The following DNAH5 variants were observed in gnomAD, a reference collection of about 807,000 sequenced individuals.
DNAH5 encodes axonemal beta dynein heavy chain 5.
A neutral mutation model predicts 518.2 loss-of-function variants in DNAH5; 372 were observed. The observed-to-expected ratio is 0.72, with a 90% CI of 0.66 to 0.78. DNAH5 has a LOEUF of 0.78. Among genes scored for constraint, DNAH5 ranks in the 30% least tolerant of loss-of-function variants. The probability of loss-of-function intolerance (pLI) is 0.00; values close to 1 mark genes in which losing one functional copy is unlikely to be tolerated. For synonymous variants in DNAH5, 2,039 were observed against 2,025.9 expected, an observed-to-expected ratio of 1.01 and a Z score of -0.17; for missense variants, 5,523 against 5,687.0, an observed-to-expected ratio of 0.97 and a Z score of 0.93.
chr5:13,950,024 A>C (rs1379629461), intron 1 of DNAH5, among the ~76,000 whole-genome samples: 2 of 152,178 alleles, frequency 1.3e-5, no homozygotes, highest in Non-Finnish European at 2.9e-5. Flanking sequence ...AACCTAAGTG[A>C]AGGATCTCAG....
chr5:13,947,346 A>G (rs1169107436), upstream of DNAH5, among the ~76,000 whole-genome samples: 2 of 152,170 alleles, frequency 1.3e-5, no homozygotes, highest in Admixed American at 6.5e-5. Flanking sequence ...GGCTTAATAG[A>G]AAAGTGCAAC....
chr5:13,937,009 T>C (rs1778985572), intron 1 of DNAH5, among the ~76,000 whole-genome samples: 2 of 152,184 alleles, frequency 1.3e-5, no homozygotes, highest in African/African-American at 4.8e-5. Context: ...GCTCACTATG[T>C]TTTGGTTTAA....
At chr5:13,730,817 C>A (rs535760808) in intron 68 of DNAH5, among the ~76,000 whole-genome samples, 65 of 152,040 alleles carry the variant, frequency 4.3e-4, no homozygotes, top group African/African-American at 1.5e-3. Flanking sequence ...TCTCCTGCCT[C>A]AGCCTCGTGA....
rs375119587 is a variant in DNAH5, at chr5:13,739,456, C to G, written c.11212-1961G>C. 1.5e-4 allele frequency among the ~76,000 whole-genome samples: 23 copies of G among 152,206 alleles called. No individual in the cohort carries two copies. The East Asian group carries it at 2.5e-3, about 17-fold the overall frequency. Reference sequence around the variant, plus strand: ...CGCCATGATTGTAAGTTTCCTGAGGCCTCCCCAGCCATGCAGAACTGTGAG... The same window carrying G: ...CGCCATGATTGTAAGTTTCCTGAGGGCTCCCCAGCCATGCAGAACTGTGAG... On this transcript the variant is annotated intron_variant, in intron 65 of 78. Coordinates refer to ENST00000265104, the MANE Select transcript of DNAH5 (RefSeq NM_001369.3).
intron 65 of DNAH5, among the ~76,000 whole-genome samples, chr5:13,739,638 T>C (rs1748127996): frequency 6.6e-6 from 1 of 152,114 alleles, no homozygotes; most frequent in Non-Finnish European, 1.5e-5. Flanking sequence ...TGAAACCATA[T>C]AAAACATAAT....
intron 1 of DNAH5, among the ~76,000 whole-genome samples, chr5:14,009,706 T>C (rs1039204524): frequency 1.3e-5 from 2 of 152,170 alleles, no homozygotes; most frequent in African/African-American, 4.8e-5. Context: ...TTGATCTGCA[T>C]ATGCTCATTT....
chr5:13,839,260 A>G (rs973320324), intron 35 of DNAH5, 96 bp downstream of exon 35: 2 of 1,100,110 alleles, frequency 1.8e-6, no homozygotes, highest in South Asian at 2.6e-5. Context: ...GTTTTAGTAT[A>G]AAGAGCCTAT....
At chr5:13,769,209 CTTGATTTG>C in intron 57 of DNAH5, 73 bp from the exon 58 acceptor site, 1 of 1,510,238 alleles carries the variant, frequency 6.6e-7, no homozygotes. Flanking sequence ...ACATTTTTGC[CTTGATTTG>C]TTGATTTTGT....
chr5:13,717,879 C>A (rs1174669224), intron 72 of DNAH5, among the ~76,000 whole-genome samples: 1 of 152,058 alleles, frequency 6.6e-6, no homozygotes, highest in Admixed American at 6.5e-5. Flanking sequence ...TTGTTTTGAG[C>A]ATATACTTGG....
chr5:13,793,880 T>C (rs1757419802), intron 48 of DNAH5, 56 bp downstream of exon 48: 1 of 1,595,028 alleles, frequency 6.3e-7, no homozygotes, highest in Non-Finnish European at 8.5e-7. Context: ...AAAACTCTTC[T>C]AAGAATAAAT....
intron 60 of DNAH5, among the ~76,000 whole-genome samples, chr5:13,759,392 G>A (rs554911794): frequency 5.3e-5 from 8 of 152,330 alleles, no homozygotes; most frequent in African/African-American, 1.7e-4. Context: ...TCAGAACACT[G>A]TAATATTAAA....
intron 41 of DNAH5, among the ~76,000 whole-genome samples, chr5:13,819,518 A>G (rs916595562): frequency 6.6e-6 from 1 of 152,122 alleles, no homozygotes; most frequent in Non-Finnish European, 1.5e-5. Flanking sequence ...ACTGCCTGAA[A>G]GCCCACCCAG....
chr5:13,799,325 A>G (rs190434099), intron 47 of DNAH5, among the ~76,000 whole-genome samples: 24 of 152,170 alleles, frequency 1.6e-4, no homozygotes, highest in Admixed American at 1.1e-3. Flanking sequence ...ATGTCTATTA[A>G]TGAGAACACT....
Position 13,871,656 on chromosome 5 carries a change from A to G in DNAH5, c.3506T>C (p.Phe1169Ser). 10 of 1,613,830 alleles carry G rather than the reference A, an allele frequency of 6.2e-6. No homozygotes were observed. The highest frequency in any genetic ancestry group is 7.6e-6 in the Non-Finnish European group (9 of 1,179,788). The change falls in exon 23 of 79, where the codon TTT becomes TCT. Residue 1169 changes from phenylalanine to serine, a missense_variant. By Grantham distance (155) the Phe-to-Ser change is radical (BLOSUM62 -2). Around this residue, in one of 3 missense-constraint regions of DNAH5, gnomAD observed 5,121 missense variants for 5,223.3 expected, o/e 0.98. Coordinates refer to ENST00000265104, the MANE Select transcript of DNAH5 (RefSeq NM_001369.3). ...FITQSPLLSE[F>S]ESQILYFQNL... ...TTGGAAATAGAGAATCTGGGACTCAAATTCAGAAAGCAAGGGGCTCTGTGT... is the reference window on the plus strand; with the variant it reads ...TTGGAAATAGAGAATCTGGGACTCAGATTCAGAAAGCAAGGGGCTCTGTGT...
At chr5:13,701,203 A>T in intron 77 of DNAH5, 81 bp downstream of exon 77, 1 of 1,574,528 alleles carries the variant, frequency 6.4e-7, no homozygotes, top group East Asian at 2.2e-5. Context: ...CTGTCTTATT[A>T]TAGTCTTTAA....
chr5:13,776,202 G>A (rs1057132762), intron 55 of DNAH5, among the ~76,000 whole-genome samples: 4 of 152,138 alleles, frequency 2.6e-5, no homozygotes, highest in Non-Finnish European at 5.9e-5. Context: ...TTGATTCTCA[G>A]CATTGCAGCC....
At chr5:13,893,703 G>C (rs1773553409) in intron 16 of DNAH5, among the ~76,000 whole-genome samples, 1 of 152,016 alleles carries the variant, frequency 6.6e-6, no homozygotes, top group Admixed American at 6.5e-5. Flanking sequence ...TAAACCATTA[G>C]AAGACAACCA....
chr5:13,928,769 C>T (rs1487813389), intron 2 of DNAH5, among the ~76,000 whole-genome samples: 1 of 152,100 alleles, frequency 6.6e-6, no homozygotes, highest in Non-Finnish European at 1.5e-5. Flanking sequence ...GTTTGGAATT[C>T]ATATGAAAAT....
chr5:13,882,680 G>A (rs776022608), intron 21 of DNAH5, 48 bp downstream of exon 21: 1 of 1,408,034 alleles, frequency 7.1e-7, no homozygotes, highest in Non-Finnish European at 1.0e-6. Context: ...TAAGCTCAAT[G>A]AATGTTGATT....
Sources: allele counts gnomAD v4.1 joint callset (sites outside exome capture counted in the v4.1 genomes callset), GRCh38; gene constraint gnomAD v4.1.1; regional missense constraint gnomAD v4.1.1; transcripts MANE v1.5; gene names NCBI Gene and HGNC (gene_info 2026-07-23, HGNC 2026-07-21).